Variants in KATNIP observed in about 807,000 individuals in gnomAD.
The protein encoded by KATNIP is katanin-interacting protein.
KATNIP carries 126 observed loss-of-function variants against 174.0 expected under a neutral mutation model. The observed-to-expected ratio is 0.72, with a 90% CI of 0.63 to 0.84. The LOEUF (loss-of-function observed/expected upper bound fraction) is 0.84, where lower values mean the gene tolerates loss of function less well. KATNIP is among the 40% of genes least tolerant of loss of function. The probability of loss-of-function intolerance (pLI) is 0.00; values close to 1 mark genes in which losing one functional copy is unlikely to be tolerated. For synonymous variants in KATNIP, 810 were observed against 835.7 expected (o/e 0.97, Z 0.53); for missense variants, 1,958 against 2,109.7 (o/e 0.93, Z 1.41).
chr16:27,709,596 G>A (rs1171385648), intron 13 of KATNIP, among the ~76,000 whole-genome samples: 1 of 152,146 alleles, frequency 6.6e-6, no homozygotes, highest in Non-Finnish European at 1.5e-5. Context: ...CCAAGATTGT[G>A]CCACTGCATT....
chr16:27,656,810 A>G, intron 6 of KATNIP, among the ~76,000 whole-genome samples: 1 of 122,592 alleles, frequency 8.2e-6, no homozygotes. Context: ...GGGGGGAGGG[A>G]TAGCATTGGG....
intron 19 of KATNIP, among the ~76,000 whole-genome samples, chr16:27,763,606 C>G (rs534063255): frequency 6.8e-6 from 1 of 146,778 alleles, no homozygotes; most frequent in Admixed American, 6.8e-5. Flanking sequence ...CAGAGCGGGA[C>G]CCTGTCTCAA....
chr16:27,747,849 C>T (rs2081351030), intron 15 of KATNIP, among the ~76,000 whole-genome samples: 1 of 152,110 alleles, frequency 6.6e-6, no homozygotes. Flanking sequence ...GGGTCGCCTT[C>T]CTGTTTCTTC....
intron 12 of KATNIP, among the ~76,000 whole-genome samples, chr16:27,705,672 T>TTTAA (rs955993660): frequency 1.3e-5 from 2 of 152,080 alleles, no homozygotes; most frequent in African/African-American, 4.8e-5. Context: ...TTTTTATTGT[T>TTTAA]TTAATTAATT....
intron 1 of KATNIP, among the ~76,000 whole-genome samples, chr16:27,553,372 G>T (rs1392526800): frequency 6.6e-6 from 1 of 152,204 alleles, no homozygotes; most frequent in Admixed American, 6.5e-5. Flanking sequence ...AATATTGTCA[G>T]CTGTTTCCTT....
intron 15 of KATNIP, among the ~76,000 whole-genome samples, chr16:27,744,612 G>T (rs2081219275): frequency 6.8e-6 from 1 of 147,944 alleles, no homozygotes; most frequent in Admixed American, 6.8e-5. Context: ...GCTGGGCACA[G>T]TGGCTGTTGC....
chr16:27,744,583 C>CA (rs2081217544), intron 15 of KATNIP, among the ~76,000 whole-genome samples: 1 of 151,172 alleles, frequency 6.6e-6, no homozygotes. Flanking sequence ...GACCCTGTCT[C>CA]TAAAAAAATG....
At chr16:27,554,789 C>CTTT (rs563621813) in intron 1 of KATNIP, among the ~76,000 whole-genome samples, 14 of 77,838 alleles carry the variant, frequency 1.8e-4, no homozygotes, top group African/African-American at 6.4e-4. Flanking sequence ...TTGATTTACA[C>CTTT]TTTTTTTTTT....
At chr16:27,550,582 G>T (rs1234329325) in intron 1 of KATNIP, among the ~76,000 whole-genome samples, 1 of 152,128 alleles carries the variant, frequency 6.6e-6, no homozygotes, top group Non-Finnish European at 1.5e-5. Context: ...TGGTGTGGGG[G>T]GTGAAGGGAG....
intron 13 of KATNIP, among the ~76,000 whole-genome samples, chr16:27,713,788 ATGTG>A (rs199886034): frequency 2.2e-5 from 2 of 89,146 alleles, no homozygotes; most frequent in Non-Finnish European, 4.2e-5. Context: ...CATATTATAT[ATGTG>A]TGTGTGTGTG....
chr16:27,726,710 C>T (rs1241439983), intron 14 of KATNIP, among the ~76,000 whole-genome samples: 1 of 152,220 alleles, frequency 6.6e-6, no homozygotes, highest in East Asian at 1.9e-4. Flanking sequence ...GGCTGGGCTG[C>T]TTGGAGCCAG....
chr16:27,699,694 T>C (rs1199697069), intron 10 of KATNIP, 95 bp downstream of exon 10: 33 of 1,551,244 alleles, frequency 2.1e-5, no homozygotes, highest in Admixed American at 3.6e-5. Context: ...CCTATGCATG[T>C]GCATAGCACC....
At chr16:27,594,799 C>G (rs2075287675) in intron 2 of KATNIP, among the ~76,000 whole-genome samples, 1 of 152,186 alleles carries the variant, frequency 6.6e-6, no homozygotes, top group Admixed American at 6.5e-5. Context: ...GGATGACTCT[C>G]TATGCCTCCG....
At chr16:27,590,118 G>A (rs1253352697) in intron 2 of KATNIP, among the ~76,000 whole-genome samples, 3 of 151,976 alleles carry the variant, frequency 2.0e-5, no homozygotes, top group African/African-American at 7.2e-5. Flanking sequence ...TTGTTTGATA[G>A]ATGCAATGTC....
intron 2 of KATNIP, among the ~76,000 whole-genome samples, chr16:27,603,350 T>C (rs1018301833): frequency 6.6e-6 from 1 of 152,170 alleles, no homozygotes; most frequent in African/African-American, 2.4e-5. Flanking sequence ...TATTATTATT[T>C]AAACGATAAA....
At chr16:27,767,752 A>G (rs1490392468) in intron 20 of KATNIP, among the ~76,000 whole-genome samples, 3 of 152,188 alleles carry the variant, frequency 2.0e-5, no homozygotes, top group African/African-American at 7.2e-5. Context: ...CACATCTTAC[A>G]GCAGGATCGG....
rs1209491216 is a variant in KATNIP, at chr16:27,751,056, C to G, written c.3347-663C>G. Among the ~76,000 whole-genome samples, 3 of 152,136 alleles carry G rather than the reference C, an allele frequency of 2.0e-5. No homozygotes were observed. In the East Asian group the frequency reaches 5.8e-4, roughly 29 times the overall value. On this transcript the variant is annotated intron_variant, in intron 16 of 27. Coordinates refer to ENST00000261588, the MANE Select transcript of KATNIP (RefSeq NM_015202.5). The stretch of plus-strand genomic sequence containing the variant: ...GACCCGGTCCACTCATCCCCTCTTA[C>G]AGCATGAGTGTGCTAGGCCTGACCT...
chr16:27,650,570 CAG>C (rs1204830564), intron 6 of KATNIP, among the ~76,000 whole-genome samples: 2 of 152,200 alleles, frequency 1.3e-5, no homozygotes, highest in Non-Finnish European at 2.9e-5. Context: ...ACCGCAAAGG[CAG>C]AGTCTTGCTT....
At chr16:27,602,856 A>G (rs1224828891) in intron 2 of KATNIP, among the ~76,000 whole-genome samples, 2 of 151,602 alleles carry the variant, frequency 1.3e-5, no homozygotes, top group Admixed American at 1.3e-4. Context: ...CCACCACCAC[A>G]CCCGGCTAAT....
Sources: gnomAD v4.1 joint callset for allele counts (sites outside exome capture counted in the v4.1 genomes callset) on GRCh38, gnomAD v4.1.1 for gene constraint, MANE v1.5 for transcripts, NCBI Gene and HGNC (gene_info 2026-07-23, HGNC 2026-07-21) for gene names.